MATR3: variants seen among roughly 807,000 people sequenced by gnomAD.
MATR3 encodes matrin-3.
A neutral mutation model predicts 85.5 loss-of-function variants in MATR3; 4 were observed. The observed-to-expected ratio is 0.05, with a 90% CI of 0.02 to 0.11. The LOEUF (loss-of-function observed/expected upper bound fraction) is 0.11. Ranked by LOEUF, MATR3 falls within the 10% of genes least tolerant of loss-of-function variation. The pLI is 1.00. For missense variants in MATR3, 685 were observed against 1,016.1 expected, an observed-to-expected ratio of 0.67 and a Z score of 4.43; for synonymous variants, 336 against 343.1, an observed-to-expected ratio of 0.98 and a Z score of 0.23.
At chr5:139,326,539 G>C (rs1309915815) in intron 14 of MATR3, among the ~76,000 whole-genome samples, 1 of 151,354 alleles carries the variant, frequency 6.6e-6, no homozygotes. Context: ...TCCTGCCTCA[G>C]CCTCCCAAGT....
intron 1 of MATR3, among the ~76,000 whole-genome samples, chr5:139,296,824 A>G (rs574342690): frequency 2.0e-5 from 3 of 152,198 alleles, no homozygotes; most frequent in East Asian, 1.9e-4. Context: ...ACTTGATTTT[A>G]TATATCTCCT....
In MATR3 at chr5:139,314,615, G is replaced by A; in HGVS notation, c.913-60G>A. 3.6e-6 allele frequency: 5 copies of A among 1,378,930 alleles called. No homozygotes were observed. The South Asian group carries it at 5.8e-5, about 16-fold the overall frequency. 85.4% of individuals were successfully genotyped at this position (1,378,930 alleles called of 1,614,324 possible). ...ACATTAATATCCTAGAGTTTGAATG[G>A]TTCAGATGAAAATATTTCAGCTTTA... On this transcript the variant is annotated intron_variant, in intron 2 of 14. Coordinates refer to ENST00000394805, the MANE Select transcript of MATR3 (RefSeq NM_018834.6).
chr5:139,311,741 T>C (rs920473463), intron 2 of MATR3: 5 of 147,834 alleles, frequency 3.4e-5, no homozygotes, highest in Admixed American at 2.7e-4. Flanking sequence ...GGTATTTGTT[T>C]AATTAATCCT....
intron 1 of MATR3, among the ~76,000 whole-genome samples, chr5:139,297,015 T>C (rs1754190692): frequency 6.6e-6 from 1 of 152,074 alleles, no homozygotes; most frequent in Non-Finnish European, 1.5e-5. Flanking sequence ...TACTAAAAAT[T>C]ACAAAAATTA....
intron 9 of MATR3, among the ~76,000 whole-genome samples, chr5:139,320,135 C>A (rs908910910): frequency 6.6e-6 from 1 of 151,442 alleles, no homozygotes; most frequent in South Asian, 2.1e-4. Flanking sequence ...AGTGAAACCC[C>A]CTCTCTCCTA....
In MATR3 at chr5:139,330,049, A is replaced by T. The variant is rs1177831439; in HGVS notation, c.*654A>T. 1 of 454,332 alleles carries T rather than the reference A, an allele frequency of 2.2e-6. No homozygotes were observed. The allele number at this position is 454,332 out of a possible 1,614,324, so 28.1% of individuals were successfully genotyped here. A position where few individuals can be genotyped will look rare whatever the true frequency, so the allele number is the denominator to read the frequency against. On this transcript the variant is annotated 3_prime_UTR_variant, in exon 15 of 15. Transcript: ENST00000394805. ...TCTAGTAGTCAATGTATTTTCAGTG[A>T]AATGCAAAAATATTCCCGTTATCTT...
chr5:139,293,369 G>C (rs1753947350), upstream of MATR3: 1 of 152,196 alleles, frequency 6.6e-6, no homozygotes, highest in Admixed American at 6.5e-5. Flanking sequence ...CAACCAGAGA[G>C]CATAAAAGTC....
intron 1 of MATR3, among the ~76,000 whole-genome samples, chr5:139,297,163 G>T (rs1039602143): frequency 1.3e-5 from 2 of 152,188 alleles, no homozygotes; most frequent in African/African-American, 4.8e-5. Context: ...GGGCAACAGA[G>T]CGGGACTCCA....
chr5:139,287,285 CATT>C (rs745918659), intron 3 of MATR3, among the ~76,000 whole-genome samples: 5 of 152,188 alleles, frequency 3.3e-5, no homozygotes, highest in Non-Finnish European at 7.3e-5. Flanking sequence ...AAAAGGTCCT[CATT>C]ATAATCTCAA....
upstream of MATR3, among the ~76,000 whole-genome samples, chr5:139,290,434 C>A (rs892822345): frequency 2.9e-5 from 2 of 68,528 alleles, no homozygotes; most frequent in African/African-American, 2.0e-4. Flanking sequence ...TGCGCCTGGC[C>A]GCTCTTTTTT....
intron 1 of MATR3, among the ~76,000 whole-genome samples, chr5:139,306,248 C>T (rs1754700041): frequency 6.6e-6 from 1 of 152,066 alleles, no homozygotes; most frequent in Admixed American, 6.6e-5. Flanking sequence ...AGAAAGAAAA[C>T]AATTTCATCT....
At chr5:139,291,545 A>T (rs1264071192), upstream of MATR3, among the ~76,000 whole-genome samples, 1 of 151,332 alleles carries the variant, frequency 6.6e-6, no homozygotes, top group Non-Finnish European at 1.5e-5. Flanking sequence ...TGGTAACTTC[A>T]TTTTTTTTTG....
At chr5:139,287,534 G>T (rs1315440799) in intron 3 of MATR3, among the ~76,000 whole-genome samples, 1 of 152,098 alleles carries the variant, frequency 6.6e-6, no homozygotes, top group Non-Finnish European at 1.5e-5. Flanking sequence ...CAGGAGAATC[G>T]CCTGAACCCG....
rs1278046563 is a variant in MATR3 at position 139,330,317 on chromosome 5, T to C, written c.*922T>C. On this transcript the variant is annotated 3_prime_UTR_variant, in exon 15 of 15. Transcript: ENST00000394805. ...CAGAAATTTGCATGTATAATTTGTGTTTACTTGTAACTTTCTGGTTATATA... is the reference window on the plus strand; with the variant it reads ...CAGAAATTTGCATGTATAATTTGTGCTTACTTGTAACTTTCTGGTTATATA... The C allele has an allele frequency of 1.1e-5, 5 of 453,978 alleles. No individual in the cohort carries two copies. The highest frequency in any genetic ancestry group is 2.2e-5 in the Non-Finnish European group (5 of 226,578). The allele number at this position is 453,978 out of a possible 1,614,324, so 28.1% of individuals were successfully genotyped here. A position where few individuals can be genotyped will look rare whatever the true frequency, so the allele number is the denominator to read the frequency against.
intron 14 of MATR3, 38 bp downstream of exon 14, chr5:139,326,322 TAAC>T (rs761835053): frequency 5.3e-5 from 85 of 1,606,734 alleles, no homozygotes; most frequent in Middle Eastern, 3.3e-4. Context: ...TGTGAAAACT[TAAC>T]AAGTTATGGA....
chr5:139,320,241 G>A (rs1220737180), intron 9 of MATR3, among the ~76,000 whole-genome samples: 2 of 151,840 alleles, frequency 1.3e-5, no homozygotes, highest in African/African-American at 2.4e-5. Context: ...CCCGGGAGGC[G>A]GAGCTTGCAA....
intron 1 of MATR3, among the ~76,000 whole-genome samples, chr5:139,275,327 G>C (rs1366466543): frequency 6.6e-6 from 1 of 151,786 alleles, no homozygotes; most frequent in East Asian, 1.9e-4. Context: ...TTAATCAGTA[G>C]TTGAGGTCTT....
rs902073098 is a variant in MATR3, at chr5:139,296,187, AT to A, written c.-178+2390del. 2.6e-4 allele frequency among the ~76,000 whole-genome samples: 39 copies of A among 152,208 alleles called. No homozygotes were observed. In the East Asian group the frequency reaches 5.0e-3, roughly 20 times the overall value. On this transcript the variant is annotated intron_variant, in intron 1 of 14. Coordinates refer to ENST00000394805, the MANE Select transcript of MATR3 (RefSeq NM_018834.6). Reference sequence around the variant, plus strand: ...ATAAATTTAATATCAGTTATTAAGAATTTTTTTTAAAATTAAATATTCAAGT... The same window carrying A: ...ATAAATTTAATATCAGTTATTAAGAATTTTTTTAAAATTAAATATTCAAGT...
In MATR3 at chr5:139,330,717, C is replaced by T. The variant is rs769036852; in HGVS notation, c.*1322C>T. The T allele has an allele frequency of 1.2e-4, 56 of 454,060 alleles. 2 individuals carry two copies. Among genetic ancestry groups the T allele is most frequent in the South Asian group, 4.3e-4 (28 of 64,476 alleles). 28.1% of individuals were successfully genotyped at this position (454,060 alleles called of 1,614,324 possible). A position where few individuals can be genotyped will look rare whatever the true frequency, so the allele number is the denominator to read the frequency against. ...CTTAACAGTACAATTGGAAGTAATA[C>T]GGATGAGCAAGAATTAGTTCTGCAG... On this transcript the variant is annotated 3_prime_UTR_variant, in exon 15 of 15. Coordinates refer to ENST00000394805, the MANE Select transcript of MATR3 (RefSeq NM_018834.6).
Sources: allele counts gnomAD v4.1 joint callset (sites outside exome capture counted in the v4.1 genomes callset), GRCh38; gene constraint gnomAD v4.1.1; transcripts MANE v1.5; gene names NCBI Gene and HGNC (gene_info 2026-07-23, HGNC 2026-07-21).